Variants in PALM2AKAP2 observed in about 807,000 individuals in gnomAD.
PALM2AKAP2 encodes the protein PALM2-AKAP2 fusion protein.
PALM2AKAP2 carries 37 observed loss-of-function variants against 71.5 expected under a neutral mutation model. The ratio of observed to expected loss-of-function variants is 0.52; its 90% CI spans 0.40 to 0.68. The LOEUF (loss-of-function observed/expected upper bound fraction) is 0.68. Ranked by LOEUF, PALM2AKAP2 falls within the 30% of genes least tolerant of loss-of-function variation. The pLI is 0.00. For synonymous variants in PALM2AKAP2, 468 were observed against 478.8 expected, an observed-to-expected ratio of 0.98 and a Z score of 0.29; for missense variants, 1,224 against 1,191.8, an observed-to-expected ratio of 1.03 and a Z score of -0.40.
chr9:110,048,693 C>G (rs754243360), upstream of PALM2AKAP2: 1 of 1,540,228 alleles, frequency 6.5e-7, no homozygotes, highest in Non-Finnish European at 8.7e-7. Flanking sequence ...GCTACCACTC[C>G]CTGCAGATGC....
chr9:109,869,877 G>A (rs1341686624), intron 2 of PALM2AKAP2, among the ~76,000 whole-genome samples: 1 of 152,288 alleles, frequency 6.6e-6, no homozygotes, highest in East Asian at 1.9e-4. Context: ...GGCAGGAGGT[G>A]GGTGAGGTGG....
intron 6 of PALM2AKAP2, among the ~76,000 whole-genome samples, chr9:110,011,014 A>ATATATAT (rs1554737803): frequency 5.2e-3 from 360 of 69,538 alleles, no homozygotes; most frequent in African/African-American, 8.7e-3. Context: ...AAAAAAAAAA[A>ATATATAT]ATATATATAT....
intron 6 of PALM2AKAP2, among the ~76,000 whole-genome samples, chr9:109,985,000 C>G (rs191267880): frequency 1.2e-3 from 185 of 152,224 alleles, no homozygotes; most frequent in Middle Eastern, 6.8e-3. Flanking sequence ...CATGGTGAAA[C>G]CCCGTCTCTA....
At chr9:109,883,022 T>C (rs1248057937) in intron 3 of PALM2AKAP2, among the ~76,000 whole-genome samples, 2 of 152,128 alleles carry the variant, frequency 1.3e-5, no homozygotes, top group East Asian at 3.9e-4. Context: ...TTGGCTTGAA[T>C]GCAAATATGT....
At chr9:110,046,169 A>G (rs547671652), upstream of PALM2AKAP2, among the ~76,000 whole-genome samples, 1 of 152,334 alleles carries the variant, frequency 6.6e-6, no homozygotes, top group South Asian at 2.1e-4. Context: ...GCATGCAGCC[A>G]TTCATACTCT....
At chr9:109,910,099 T>C (rs1475241980) in intron 3 of PALM2AKAP2, among the ~76,000 whole-genome samples, 2 of 152,176 alleles carry the variant, frequency 1.3e-5, no homozygotes, top group Non-Finnish European at 2.9e-5. Flanking sequence ...GTGGGGCAAA[T>C]TGGCTTGGTG....
chr9:110,004,085 G>A (rs1832731808), intron 6 of PALM2AKAP2, among the ~76,000 whole-genome samples: 1 of 152,192 alleles, frequency 6.6e-6, no homozygotes, highest in African/African-American at 2.4e-5. Flanking sequence ...ATGTTAGCTG[G>A]TGATTTTGCC....
At chr9:110,016,859 T>A (rs1832988200) in intron 7 of PALM2AKAP2, among the ~76,000 whole-genome samples, 1 of 152,200 alleles carries the variant, frequency 6.6e-6, no homozygotes, top group African/African-American at 2.4e-5. Flanking sequence ...AATGTCTTAT[T>A]TTATATAGAG....
intron 1 of PALM2AKAP2, among the ~76,000 whole-genome samples, chr9:109,745,570 T>C (rs1404988286): frequency 6.6e-6 from 1 of 152,078 alleles, no homozygotes. Context: ...TTTCCTGTCT[T>C]GTCGTGTCCT....
At chr9:109,786,958 C>T (rs1163229163) in intron 1 of PALM2AKAP2, among the ~76,000 whole-genome samples, 2 of 152,220 alleles carry the variant, frequency 1.3e-5, no homozygotes, top group African/African-American at 2.4e-5. Flanking sequence ...GAACTCTCCA[C>T]ATTTCACCAC....
chr9:109,944,214 G>C (rs1424742711), intron 6 of PALM2AKAP2: 1 of 152,134 alleles, frequency 6.6e-6, no homozygotes, highest in African/African-American at 2.4e-5. Flanking sequence ...AGTAGCAATT[G>C]ATCTCCAAAC....
intron 6 of PALM2AKAP2, among the ~76,000 whole-genome samples, chr9:109,949,570 T>G (rs1831588266): frequency 6.6e-6 from 1 of 152,222 alleles, no homozygotes; most frequent in Non-Finnish European, 1.5e-5. Flanking sequence ...TTCATTCCAT[T>G]AAAGGTAACT....
At chr9:110,012,146 A>G (rs1030394749) in intron 6 of PALM2AKAP2, among the ~76,000 whole-genome samples, 2 of 151,996 alleles carry the variant, frequency 1.3e-5, no homozygotes, top group Admixed American at 6.6e-5. Flanking sequence ...TACAAAAAGT[A>G]TCCGGGCATG....
chr9:109,772,456 T>G (rs1367704619), intron 1 of PALM2AKAP2, among the ~76,000 whole-genome samples: 3 of 152,180 alleles, frequency 2.0e-5, no homozygotes, highest in Non-Finnish European at 4.4e-5. Context: ...CAAACAGCAT[T>G]CAAATATAGG....
At chr9:109,986,064 C>T (rs145547967) in intron 6 of PALM2AKAP2, among the ~76,000 whole-genome samples, 10 of 152,272 alleles carry the variant, frequency 6.6e-5, no homozygotes, top group Middle Eastern at 3.4e-3. Context: ...AAATGCGACC[C>T]GCTACCAAAA....
At chr9:109,836,363 C>G (rs2131560845) in intron 1 of PALM2AKAP2, among the ~76,000 whole-genome samples, 1 of 152,274 alleles carries the variant, frequency 6.6e-6, no homozygotes, top group East Asian at 1.9e-4. Context: ...GACATCGACA[C>G]CAAAACCACA....
chr9:109,643,554 T>C (rs1485334003), intron 1 of PALM2AKAP2, among the ~76,000 whole-genome samples: 4 of 152,188 alleles, frequency 2.6e-5, no homozygotes, highest in Admixed American at 2.6e-4. Context: ...TTCCTCCAGG[T>C]GTGCTAAGCT....
intron 2 of PALM2AKAP2, 47 bp from the exon 9 acceptor site, chr9:110,156,272 C>A: frequency 1.3e-6 from 2 of 1,492,168 alleles, no homozygotes; most frequent in South Asian, 1.5e-5. Flanking sequence ...TAAAAGCAGT[C>A]ATGAGCAGAC....
intron 3 of PALM2AKAP2, among the ~76,000 whole-genome samples, chr9:109,900,447 G>T (rs1830302480): frequency 6.6e-6 from 1 of 152,136 alleles, no homozygotes; most frequent in African/African-American, 2.4e-5. Flanking sequence ...CCAATAGATG[G>T]GTAAACAAGT....
Sources: gnomAD v4.1 joint callset for allele counts (sites outside exome capture counted in the v4.1 genomes callset) on GRCh38, gnomAD v4.1.1 for gene constraint, MANE v1.5 for transcripts, NCBI Gene and HGNC (gene_info 2026-07-23, HGNC 2026-07-21) for gene names.